Variants in GNB1L observed in about 807,000 individuals in gnomAD.
The protein encoded by GNB1L is guanine nucleotide-binding protein subunit beta-like protein 1.
Under a neutral mutation model 29.1 loss-of-function variants are expected in GNB1L, and 20 were observed. The observed-to-expected ratio is 0.69, with a 90% CI of 0.48 to 1.00. GNB1L has a LOEUF of 1.00. Among genes scored for constraint, GNB1L ranks in the 50% least tolerant of loss-of-function variants. The probability of loss-of-function intolerance (pLI) is 0.00; values close to 1 mark genes in which losing one functional copy is unlikely to be tolerated. For missense variants in GNB1L, 421 were observed against 464.9 expected (o/e 0.91, Z 0.87); for synonymous variants, 193 against 206.5 (o/e 0.93, Z 0.56).
chr22:19,795,568 C>G (rs549593620), intron 7 of GNB1L, among the ~76,000 whole-genome samples: 11 of 152,250 alleles, frequency 7.2e-5, no homozygotes, highest in Middle Eastern at 6.8e-3. Flanking sequence ...CATTCACTGA[C>G]AACAGAATTA....
intron 2 of GNB1L, among the ~76,000 whole-genome samples, chr22:19,840,354 G>C (rs890366942): frequency 6.6e-6 from 1 of 152,158 alleles, no homozygotes; most frequent in African/African-American, 2.4e-5. Flanking sequence ...TTTAAATATG[G>C]GTTATGCAGT....
At chr22:19,789,188 CCAG>C (rs1260290857) in intron 7 of GNB1L, among the ~76,000 whole-genome samples, 2 of 152,168 alleles carry the variant, frequency 1.3e-5, no homozygotes, top group Non-Finnish European at 1.5e-5. Context: ...GCTCCTCGCA[CCAG>C]CTCTGACCGA....
In GNB1L at chr22:19,806,762, C is replaced by T; in HGVS notation, c.418-5G>A. On this transcript the variant is annotated splice_region_variant and splice_polypyrimidine_tract_variant and intron_variant, in intron 5 of 7. Transcript: ENST00000329517. The stretch of plus-strand genomic sequence containing the variant: ...GGGCATCTCCAGAATCTGAACCTGA[C>T]AGTAAGAAAACAAGTTGATTTGGGC... The T allele has an allele frequency of 1.2e-6, 2 of 1,606,356 alleles. No individual in the cohort carries two copies. Among genetic ancestry groups the T allele is most frequent in the South Asian group, 1.1e-5 (1 of 90,920 alleles).
Position 19,809,671 on chromosome 22 carries a change from G to A in GNB1L, c.417+2614C>T, listed in dbSNP as rs182384141. Among the ~76,000 whole-genome samples the A allele has an allele frequency of 5.9e-5, 9 of 152,306 alleles. No homozygotes were observed. The East Asian group carries it at 1.5e-3, about 26-fold the overall frequency. On this transcript the variant is annotated intron_variant, in intron 5 of 7. Transcript: ENST00000329517. ...GCCTGCCTGTCTGTATGCTCCCCTA[G>A]AAGTTTGAGCAGTGGGACACCGAGG...
chr22:19,797,812 A>C (rs1937324185), intron 7 of GNB1L, among the ~76,000 whole-genome samples: 1 of 152,106 alleles, frequency 6.6e-6, no homozygotes, highest in Non-Finnish European at 1.5e-5. Flanking sequence ...CCCCTGGTTC[A>C]CGGACTTACC....
intron 2 of GNB1L, chr22:19,850,114 C>A (rs908239458): frequency 1.2e-5 from 12 of 985,640 alleles, no homozygotes; most frequent in Non-Finnish European, 1.4e-5. Context: ...CCCTTGGACC[C>A]TCAAAGCCCC....
chr22:19,814,817 G>C (rs945310295), intron 4 of GNB1L, among the ~76,000 whole-genome samples: 3 of 152,148 alleles, frequency 2.0e-5, no homozygotes, highest in Non-Finnish European at 4.4e-5. Flanking sequence ...AGGACTGCTC[G>C]AGCCCAGGAG....
intron 4 of GNB1L, among the ~76,000 whole-genome samples, chr22:19,819,605 A>G (rs892086415): frequency 3.9e-5 from 6 of 152,170 alleles, no homozygotes; most frequent in African/African-American, 1.4e-4. Context: ...GGCCTCATGA[A>G]CCATGGGGGC....
In GNB1L at chr22:19,836,959, T is replaced by C. The variant is rs1189454088; in HGVS notation, c.-20-15584A>G. Among the ~76,000 whole-genome samples the C allele has an allele frequency of 2.0e-5, 3 of 152,068 alleles. No individual in the cohort carries two copies. The East Asian group carries it at 5.8e-4, about 29-fold the overall frequency. On this transcript the variant is annotated intron_variant, in intron 2 of 7. Coordinates refer to ENST00000329517, the MANE Select transcript of GNB1L (RefSeq NM_053004.3). ...CCACAAAATTAGAAACCTTTGCTCTTGAAAAGAGATTTTTTTTTTTTTTTT... is the reference window on the plus strand; with the variant it reads ...CCACAAAATTAGAAACCTTTGCTCTCGAAAAGAGATTTTTTTTTTTTTTTT...
Position 19,847,630 on chromosome 22 carries a change from C to A in GNB1L, c.-21+6813G>T, listed in dbSNP as rs911445455. 9 of 730,060 alleles carry A rather than the reference C, an allele frequency of 1.2e-5. No individual in the cohort carries two copies. In the African/African-American group the frequency reaches 1.8e-4, roughly 15 times the overall value. 45.2% of individuals were successfully genotyped at this position (730,060 alleles called of 1,614,324 possible). A position where few individuals can be genotyped will look rare whatever the true frequency, so the allele number is the denominator to read the frequency against. ...TGTAGTGGTACCGAACCATGACCAC[C>A]CCTGGCAAGAGCCTTCATGCACCTA... On this transcript the variant is annotated intron_variant, in intron 2 of 7. Transcript: ENST00000329517.
intron 7 of GNB1L, chr22:19,792,601 G>A (rs775955958): frequency 1.5e-4 from 233 of 1,598,138 alleles, no homozygotes; most frequent in Non-Finnish European, 2.0e-4. Context: ...CACAAGTACA[G>A]ACCAGAGACA....
chr22:19,846,508 C>G, intron 2 of GNB1L: 1 of 985,496 alleles, frequency 1.0e-6, no homozygotes. Context: ...ACCACAGAAG[C>G]CTGCCCAATA....
In GNB1L at chr22:19,785,820, G is replaced by A. The variant is rs971142758; in HGVS notation, c.*2889C>T. On this transcript the variant is annotated 3_prime_UTR_variant, in exon 8 of 8. Transcript: ENST00000329517. This position sits in a 1 kb window ranked among gnomAD's most constrained non-coding sequence, Gnocchi z 4.1. ...CAGGTGCATCTTTTCCAAGCTGGAT[G>A]TCTGGAGCTGAGACCGTTTCTTCTT... is the stretch of plus-strand genomic sequence containing the variant. 2.0e-5 allele frequency: 3 copies of A among 147,412 alleles called. No homozygotes were observed. The highest frequency in any genetic ancestry group is 7.4e-5 in the African/African-American group (3 of 40,280). 9.1% of individuals were successfully genotyped at this position (147,412 alleles called of 1,614,324 possible). A position where few individuals can be genotyped will look rare whatever the true frequency, so the allele number is the denominator to read the frequency against.
At chr22:19,792,723 A>C in intron 7 of GNB1L, 1 of 1,506,004 alleles carries the variant, frequency 6.6e-7, no homozygotes, top group South Asian at 1.2e-5. Flanking sequence ...TAACATCGTC[A>C]CCACCTTGGT....
intron 2 of GNB1L, among the ~76,000 whole-genome samples, chr22:19,844,438 GGAA>G (rs1200505141): frequency 1.3e-5 from 2 of 152,232 alleles, no homozygotes; most frequent in East Asian, 3.9e-4. Flanking sequence ...GGGGATGCCT[GGAA>G]GCCTCATGGC....
intron 2 of GNB1L, among the ~76,000 whole-genome samples, chr22:19,822,051 G>A (rs1430683209): frequency 2.6e-5 from 4 of 152,078 alleles, no homozygotes; most frequent in Non-Finnish European, 5.9e-5. Flanking sequence ...ACAGGGTCCC[G>A]GGGGGCTGCT....
At chr22:19,838,474 TTTTTA>T (rs1021779354) in intron 2 of GNB1L, among the ~76,000 whole-genome samples, 137 of 122,774 alleles carry the variant, frequency 1.1e-3, no homozygotes, top group African/African-American at 5.8e-3. Flanking sequence ...TTTATTTTTA[TTTTTA>T]TTTTTTTTTT....
chr22:19,841,741 GC>G (rs1479368419), intron 2 of GNB1L, among the ~76,000 whole-genome samples: 1 of 152,070 alleles, frequency 6.6e-6, no homozygotes, highest in Non-Finnish European at 1.5e-5. Context: ...CATCAACAGT[GC>G]CCCCTGGTAC....
intron 2 of GNB1L, among the ~76,000 whole-genome samples, chr22:19,831,138 G>T (rs1294668358): frequency 1.3e-5 from 2 of 151,980 alleles, no homozygotes; most frequent in Non-Finnish European, 2.9e-5. Flanking sequence ...TTGGGAGGCC[G>T]AGACTTGAGG....
Sources: gnomAD v4.1 joint callset for allele counts (sites outside exome capture counted in the v4.1 genomes callset) on GRCh38, gnomAD v4.1.1 for gene constraint, Gnocchi (gnomAD v3.1) non-coding constraint, MANE v1.5 for transcripts, NCBI Gene and HGNC (gene_info 2026-07-23, HGNC 2026-07-21) for gene names.